RBFOX1: variants seen among roughly 807,000 people sequenced by gnomAD.
RBFOX1 encodes RNA binding fox-1 homolog 1.
RBFOX1 carries 8 observed loss-of-function variants against 57.7 expected under a neutral mutation model. The observed-to-expected ratio is 0.14, with a 90% confidence interval of 0.08 to 0.25. The LOEUF (loss-of-function observed/expected upper bound fraction) is 0.25, where lower values mean the gene tolerates loss of function less well. Among genes scored for constraint, RBFOX1 ranks in the 10% least tolerant of loss-of-function variants. RBFOX1 has a pLI of 1.00. For synonymous variants in RBFOX1, 326 were observed against 222.4 expected, an observed-to-expected ratio of 1.47 and a Z score of -4.15; for missense variants, 611 against 548.5, an observed-to-expected ratio of 1.11 and a Z score of -1.14.
At chr16:5,994,915 T>A (rs1436349327) in intron 4 of RBFOX1, among the ~76,000 whole-genome samples, 1 of 152,130 alleles carries the variant, frequency 6.6e-6, no homozygotes, top group African/African-American at 2.4e-5. Flanking sequence ...CATGAACAGA[T>A]CAACTTGCCC....
In RBFOX1 at chr16:5,928,239, C is replaced by G. The variant is rs537775026; in HGVS notation, c.351+60904C>G. Among the ~76,000 whole-genome samples, 3 of 151,884 alleles carry G rather than the reference C, an allele frequency of 2.0e-5. No homozygotes were observed. In the South Asian group the frequency reaches 6.3e-4, roughly 32 times the overall value. ...CTCCTGAGTAGCTGAGATTACCACACCTTGCTAGTGTTTTAATTGTTTGTA... is the reference window on the plus strand; with the variant it reads ...CTCCTGAGTAGCTGAGATTACCACAGCTTGCTAGTGTTTTAATTGTTTGTA... On this transcript the variant is annotated intron_variant, in intron 4 of 19. Transcript: ENST00000641259.
intron 2 of RBFOX1, among the ~76,000 whole-genome samples, chr16:6,582,259 A>G (rs1336876051): frequency 6.6e-6 from 1 of 152,202 alleles, no homozygotes; most frequent in Non-Finnish European, 1.5e-5. Context: ...TGAATTTATG[A>G]TTAGCTATTA....
chr16:6,101,367 C>G (rs184478939), intron 1 of RBFOX1, among the ~76,000 whole-genome samples: 1 of 152,296 alleles, frequency 6.6e-6, no homozygotes. Context: ...TCATACTGAA[C>G]CAAGTCGTTA....
chr16:5,894,172 G>C (rs558444405), intron 4 of RBFOX1, among the ~76,000 whole-genome samples: 10 of 152,022 alleles, frequency 6.6e-5, no homozygotes, highest in African/African-American at 2.4e-4. Context: ...TATTTTCCCC[G>C]GTGTTCCCTT....
At chr16:6,567,469 G>C (rs1330125625) in intron 2 of RBFOX1, among the ~76,000 whole-genome samples, 3 of 152,180 alleles carry the variant, frequency 2.0e-5, no homozygotes, top group Non-Finnish European at 2.9e-5. Context: ...TCTCATGAGA[G>C]AGGCCTTTCT....
chr16:7,404,813 A>G (rs990537789), intron 4 of RBFOX1, among the ~76,000 whole-genome samples: 8 of 152,116 alleles, frequency 5.3e-5, no homozygotes, highest in Non-Finnish European at 1.2e-4. Flanking sequence ...TTCCCTTTTC[A>G]CTGACGCAGA....
intron 4 of RBFOX1, among the ~76,000 whole-genome samples, chr16:7,503,790 G>T (rs998652495): frequency 3.9e-5 from 6 of 152,128 alleles, no homozygotes; most frequent in Non-Finnish European, 8.8e-5. Flanking sequence ...TTATTTGCAT[G>T]GTTTGATTTT....
At chr16:7,556,542 C>G (rs9930162) in intron 5 of RBFOX1, among the ~76,000 whole-genome samples, 42,200 of 151,784 alleles carry the variant, frequency 0.28, 6,663 homozygotes, top group Non-Finnish European at 0.36. Flanking sequence ...TGAATTTCCC[C>G]TTCATGGGCC....
At chr16:5,761,634 A>G (rs188515020) in intron 3 of RBFOX1, among the ~76,000 whole-genome samples, 2 of 152,274 alleles carry the variant, frequency 1.3e-5, no homozygotes, top group East Asian at 3.9e-4. Context: ...CAAGAACAAC[A>G]TGAGGGTAAC....
At chr16:6,769,760 T>A (rs186929326) in intron 3 of RBFOX1, among the ~76,000 whole-genome samples, 44 of 152,326 alleles carry the variant, frequency 2.9e-4, no homozygotes, top group African/African-American at 9.6e-4. Flanking sequence ...AACAAAGGCA[T>A]GAGATGTGTT....
Position 6,210,377 on chromosome 16 carries a change from A to AAG in RBFOX1, c.-126-106614_-126-106613dup, listed in dbSNP as rs1555552425. ...AAAAAACACCAAAAAAAAAAAAAAA[A>AAG]AGAGAAAGGAAGGAAGGAAAGAAGG... On this transcript the variant is annotated intron_variant, in intron 1 of 15. Coordinates refer to ENST00000550418, the MANE Select transcript of RBFOX1 (RefSeq NM_018723.4). Among the ~76,000 whole-genome samples, 601 of 128,490 alleles carry AAG rather than the reference A, an allele frequency of 4.7e-3. 13 individuals carry two copies. Among genetic ancestry groups the AAG allele is most frequent in the African/African-American group, 8.3e-3 (317 of 38,372 alleles). The allele number at this position is 128,490 out of a possible 152,430, so 84.3% of individuals were successfully genotyped here.
At chr16:6,837,065 T>A (rs1219999017) in intron 3 of RBFOX1, among the ~76,000 whole-genome samples, 3 of 152,162 alleles carry the variant, frequency 2.0e-5, no homozygotes, top group African/African-American at 4.8e-5. Flanking sequence ...AAGGATGAGT[T>A]GGAAATGATA....
chr16:6,080,001 T>G (rs758753204), intron 1 of RBFOX1, among the ~76,000 whole-genome samples: 1 of 152,208 alleles, frequency 6.6e-6, no homozygotes, highest in Non-Finnish European at 1.5e-5. Context: ...CTTACAACCA[T>G]GTAACAATCC....
intron 3 of RBFOX1, among the ~76,000 whole-genome samples, chr16:5,684,868 A>G (rs938512171): frequency 2.6e-5 from 4 of 152,166 alleles, no homozygotes; most frequent in Non-Finnish European, 5.9e-5. Context: ...GGTATTTAAA[A>G]TATTTTTGTA....
In RBFOX1 at chr16:6,388,431, T is replaced by C. The variant is rs117936441; in HGVS notation, c.-64+71374T>C. Among the ~76,000 whole-genome samples the C allele has an allele frequency of 4.3e-3, 648 of 152,318 alleles. 4 individuals carry two copies. The highest frequency in any genetic ancestry group is 7.2e-3 in the Non-Finnish European group (492 of 68,028). ...TGAAGACCAAGGTTCAATGGCACCATTTAATGGTGATTTAAAACATGTGTT... is the reference window on the plus strand; with the variant it reads ...TGAAGACCAAGGTTCAATGGCACCACTTAATGGTGATTTAAAACATGTGTT... On this transcript the variant is annotated intron_variant, in intron 2 of 15. Coordinates refer to ENST00000550418, the MANE Select transcript of RBFOX1 (RefSeq NM_018723.4).
intron 3 of RBFOX1, among the ~76,000 whole-genome samples, chr16:5,794,968 G>C (rs150031207): frequency 3.6e-4 from 55 of 152,274 alleles, no homozygotes; most frequent in African/African-American, 1.3e-3. Flanking sequence ...ATCTCACTGG[G>C]TCTTGAGAAG....
At chr16:7,442,780 C>A (rs1370363451) in intron 4 of RBFOX1, among the ~76,000 whole-genome samples, 20 of 152,132 alleles carry the variant, frequency 1.3e-4, no homozygotes, top group Admixed American at 1.3e-3. Context: ...CCTCAGACGT[C>A]GATCGTCACC....
chr16:5,707,641 T>G (rs756360691), intron 3 of RBFOX1, among the ~76,000 whole-genome samples: 1 of 152,210 alleles, frequency 6.6e-6, no homozygotes, highest in African/African-American at 2.4e-5. Context: ...GCATCACGTG[T>G]GGCTATGAGG....
chr16:6,108,759 C>G (rs1343366885), intron 1 of RBFOX1, among the ~76,000 whole-genome samples: 1 of 152,118 alleles, frequency 6.6e-6, no homozygotes. Context: ...GGGTGCTGCC[C>G]TTGACTGGCT....
Sources: allele counts gnomAD v4.1 joint callset (sites outside exome capture counted in the v4.1 genomes callset), GRCh38; gene constraint gnomAD v4.1.1; transcripts MANE v1.5; gene names NCBI Gene and HGNC (gene_info 2026-07-23, HGNC 2026-07-21).